The following IL4I1 variants were observed in gnomAD, a reference collection of about 807,000 sequenced individuals.
The protein encoded by IL4I1 is interleukin 4 induced 1, also known as L-amino-acid oxidase.
A neutral mutation model predicts 29.7 loss-of-function variants in IL4I1; 24 were observed. The observed-to-expected ratio is 0.81, with a 90% CI of 0.59 to 1.14. The LOEUF (loss-of-function observed/expected upper bound fraction) is 1.14, where lower values mean the gene tolerates loss of function less well. Ranked by LOEUF, IL4I1 falls within the 50% of genes most tolerant of loss-of-function variation. IL4I1 has a pLI of 0.00. For synonymous variants in IL4I1, 371 were observed against 352.5 expected, an observed-to-expected ratio of 1.05 and a Z score of -0.59; for missense variants, 686 against 785.6, an observed-to-expected ratio of 0.87 and a Z score of 1.52.
chr19:49,898,951 A>G (rs1194785394), upstream of IL4I1, among the ~76,000 whole-genome samples: 5 of 152,210 alleles, frequency 3.3e-5, no homozygotes, highest in Non-Finnish European at 5.9e-5. Flanking sequence ...GGAGATGGCG[A>G]GAGGGTGGGA....
intron 2 of IL4I1, among the ~76,000 whole-genome samples, chr19:49,914,711 C>T (rs1269451727): frequency 6.8e-6 from 1 of 146,350 alleles, no homozygotes; most frequent in Non-Finnish European, 1.5e-5. Flanking sequence ...GATTCTTGTG[C>T]CACTCCAAGT....
At chr19:49,894,962 G>A in intron 4 of IL4I1, 106 bp downstream of exon 4, 1 of 802,684 alleles carries the variant, frequency 1.2e-6, no homozygotes, top group Non-Finnish European at 2.0e-6. Context: ...GGGGTTGGAG[G>A]CTGGGTTTGG....
chr19:49,919,826 T>C (rs2122714041), intron 2 of IL4I1, among the ~76,000 whole-genome samples: 1 of 152,260 alleles, frequency 6.6e-6, no homozygotes, highest in South Asian at 2.1e-4. Context: ...GGAAGAGATT[T>C]GAGGAATACT....
intron 2 of IL4I1, among the ~76,000 whole-genome samples, chr19:49,925,520 C>T (rs527738541): frequency 6.6e-6 from 1 of 151,582 alleles, no homozygotes; most frequent in South Asian, 2.1e-4. Flanking sequence ...TGAGACAAAA[C>T]CAAATGGAAG....
At chr19:49,925,366 T>C (rs1041640451) in intron 2 of IL4I1, among the ~76,000 whole-genome samples, 29 of 150,910 alleles carry the variant, frequency 1.9e-4, no homozygotes, top group African/African-American at 6.8e-4. Context: ...GGCAGGAGGA[T>C]CGTTTGAGCC....
At chr19:49,911,543 A>G (rs1568705254) in intron 2 of IL4I1, among the ~76,000 whole-genome samples, 1 of 151,904 alleles carries the variant, frequency 6.6e-6, no homozygotes, top group Non-Finnish European at 1.5e-5. Flanking sequence ...AACCTATCTC[A>G]CTACCCCCAC....
At position 49,921,472 on chromosome 19, in the gene IL4I1, C is replaced by T. The variant is rs1030600975; in HGVS notation, c.-228+6222G>A. 6.6e-6 allele frequency among the ~76,000 whole-genome samples: 1 copy of T among 152,210 alleles called. No homozygotes were observed. Among genetic ancestry groups the T allele is most frequent in the Non-Finnish European group, 1.5e-5 (1 of 68,040 alleles). On this transcript the variant is annotated intron_variant, in intron 2 of 9. Coordinates refer to the IL4I1 transcript ENST00000341114. This position sits in a 1 kb window ranked among gnomAD's most constrained non-coding sequence, Gnocchi z 5.4. ...CTGGGCTTCACTCTCAAATCCAATTCAGGATGATCCGCCCGCCCCAGCTGC... is the reference window on the plus strand; with the variant it reads ...CTGGGCTTCACTCTCAAATCCAATTTAGGATGATCCGCCCGCCCCAGCTGC...
chr19:49,898,512 G>A (rs775205380), upstream of IL4I1, among the ~76,000 whole-genome samples: 10 of 152,016 alleles, frequency 6.6e-5, no homozygotes, highest in African/African-American at 9.7e-5. Flanking sequence ...TTCCCATGGC[G>A]ATCACCTGCC....
chr19:49,925,280 A>AAAAAC (rs1223742830), intron 2 of IL4I1, among the ~76,000 whole-genome samples: 1 of 151,938 alleles, frequency 6.6e-6, no homozygotes, highest in Non-Finnish European at 1.5e-5. Context: ...AAAAAAATTA[A>AAAAAC]AAAACAAAAC....
At position 49,890,148 on chromosome 19, in the gene IL4I1, C is replaced by T. The variant is rs372789046; in HGVS notation, c.1226G>A (p.Gly409Asp). 6.5e-7 allele frequency: 1 copy of T among 1,541,398 alleles called. No homozygotes were observed. Among genetic ancestry groups the T allele is most frequent in the East Asian group, 2.5e-5 (1 of 40,758 alleles). ...TWSDAAAAFA[G>D]LSREEALRLA... ...GCGCAACGCCTCTTCCCGGCTCAAG[C>T]CGGCGAACGCTGCCGCCGCGTCCGA... The change falls in exon 8 of 8, where the codon GGC becomes GAC. Residue 409 changes from glycine to aspartate, a missense_variant. Gly to Asp is a moderately conservative substitution (Grantham distance 94). Transcript: ENST00000391826.
At chr19:49,901,331 C>T (rs2122552838), upstream of IL4I1, among the ~76,000 whole-genome samples, 1 of 152,292 alleles carries the variant, frequency 6.6e-6, no homozygotes, top group East Asian at 1.9e-4. Context: ...TTGCGGTGAG[C>T]CGAGACCGCG....
intron 2 of IL4I1, among the ~76,000 whole-genome samples, chr19:49,922,132 C>T (rs1324059824): frequency 3.3e-5 from 5 of 152,230 alleles, no homozygotes; most frequent in South Asian, 2.1e-4. Context: ...CTAACCCCGG[C>T]GGCACTAGCT....
At chr19:49,908,245 A>G (rs1477122098) in intron 2 of IL4I1, 3 of 1,613,076 alleles carry the variant, frequency 1.9e-6, no homozygotes, top group Non-Finnish European at 2.5e-6. Flanking sequence ...TCGCTCAGTC[A>G]AAGGTGATCC....
At chr19:49,891,712 G>A (rs2075142324) in intron 5 of IL4I1, among the ~76,000 whole-genome samples, 1 of 152,208 alleles carries the variant, frequency 6.6e-6, no homozygotes, top group Non-Finnish European at 1.5e-5. Context: ...CCCTCATTCG[G>A]CTGGCCCGGC....
In IL4I1 at chr19:49,921,600, G is replaced by C. The variant is rs900637775; in HGVS notation, c.-228+6094C>G. ...GTAGGTCAGGAAGAAGAGGGCAAAGGAGTCTGCATCAAACTGGGCTAAGGC... is the reference window on the plus strand; with the variant it reads ...GTAGGTCAGGAAGAAGAGGGCAAAGCAGTCTGCATCAAACTGGGCTAAGGC... On this transcript the variant is annotated intron_variant, in intron 2 of 9. Transcript: ENST00000341114. This position sits in a 1 kb window ranked among gnomAD's most constrained non-coding sequence, Gnocchi z 5.4. 6.6e-6 allele frequency among the ~76,000 whole-genome samples: 1 copy of C among 152,210 alleles called. No homozygotes were observed. The highest frequency in any genetic ancestry group is 2.4e-5 in the African/African-American group (1 of 41,460).
intron 2 of IL4I1, among the ~76,000 whole-genome samples, chr19:49,918,916 TG>T (rs1312547282): frequency 4.0e-5 from 1 of 25,194 alleles, no homozygotes; most frequent in Non-Finnish European, 8.3e-5. Context: ...GGGCGGGGTG[TG>T]GGGGGGCGGA....
intron 2 of IL4I1, among the ~76,000 whole-genome samples, chr19:49,906,082 G>A (rs1404066217): frequency 6.6e-6 from 1 of 152,158 alleles, no homozygotes; most frequent in Non-Finnish European, 1.5e-5. Flanking sequence ...AGTCCATAGA[G>A]CGAGGCTGGA....
rs34007340 is a variant in IL4I1, at chr19:49,896,078, C to T, written c.14-25G>A. 2.9e-3 allele frequency: 4,662 copies of T among 1,606,502 alleles called. 96 individuals carry two copies. The highest frequency in any genetic ancestry group is 0.023 in the South Asian group (2,119 of 90,580). ...GCTGGGAGGAGGAGGACAGGGTCAA[C>T]GGGGTTGTGGCAGGTCGGGGGAGAG... is the stretch of plus-strand genomic sequence containing the variant. On this transcript the variant is annotated intron_variant, in intron 2 of 7. Coordinates refer to ENST00000391826, the MANE Select transcript of IL4I1 (RefSeq NM_152899.2).
At chr19:49,903,723 CATTACTA>C (rs1009950276) in intron 3 of IL4I1, among the ~76,000 whole-genome samples, 157 of 150,682 alleles carry the variant, frequency 1.0e-3, no homozygotes, top group Admixed American at 2.2e-3. Context: ...GCAAGCCACT[CATTACTA>C]AAAAATAAAT....
Sources: allele counts gnomAD v4.1 joint callset (sites outside exome capture counted in the v4.1 genomes callset), GRCh38; gene constraint gnomAD v4.1.1; non-coding constraint Gnocchi (gnomAD v3.1); transcripts MANE v1.5; gene names NCBI Gene and HGNC (gene_info 2026-07-23, HGNC 2026-07-21).